CTNND2: variants seen among roughly 807,000 people sequenced by gnomAD.
The protein encoded by CTNND2 is catenin delta-2.
Under a neutral mutation model 144.4 loss-of-function variants are expected in CTNND2, and 22 were observed. The observed-to-expected ratio is 0.15, with a 90% CI of 0.11 to 0.22. The LOEUF (loss-of-function observed/expected upper bound fraction) is 0.22, where lower values mean the gene tolerates loss of function less well. CTNND2 is among the 10% of genes least tolerant of loss of function. The probability of loss-of-function intolerance (pLI) is 1.00; values close to 1 mark genes in which losing one functional copy is unlikely to be tolerated. For missense variants in CTNND2, 1,353 were observed against 1,618.8 expected, an observed-to-expected ratio of 0.84 and a Z score of 2.82; for synonymous variants, 751 against 695.6, an observed-to-expected ratio of 1.08 and a Z score of -1.25.
intron 1 of CTNND2, among the ~76,000 whole-genome samples, chr5:11,766,466 T>G (rs1789594809): frequency 1.3e-5 from 2 of 151,712 alleles, no homozygotes; most frequent in Admixed American, 1.3e-4. Context: ...TTAAAAAGAG[T>G]TTTCCTGCAC....
At chr5:11,883,370 C>G (rs1434744357) in intron 1 of CTNND2, among the ~76,000 whole-genome samples, 1 of 152,056 alleles carries the variant, frequency 6.6e-6, no homozygotes, top group Non-Finnish European at 1.5e-5. Context: ...TGTAATGTTC[C>G]TCTCCTTGTG....
rs189667488 is a variant in CTNND2 at position 11,056,619 on chromosome 5, G to C, written c.2788+26077C>G. Among the ~76,000 whole-genome samples the C allele has an allele frequency of 1.1e-3, 174 of 152,304 alleles. 1 individual carries two copies. Among genetic ancestry groups the C allele is most frequent in the African/African-American group, 4.0e-3 (168 of 41,554 alleles). On this transcript the variant is annotated intron_variant, in intron 16 of 21. Transcript: ENST00000304623. The stretch of plus-strand genomic sequence containing the variant: ...AGGCATGTGTTATTGTGCCCAGCTT[G>C]CTTAAGTATTTTAAATTCATGGGCT...
intron 8 of CTNND2, among the ~76,000 whole-genome samples, chr5:11,361,475 T>C (rs1286559704): frequency 6.6e-6 from 1 of 152,222 alleles, no homozygotes; most frequent in Non-Finnish European, 1.5e-5. Context: ...GTTTAAAGAC[T>C]GGTTCCACAC....
At chr5:11,848,742 G>T (rs940712428) in intron 1 of CTNND2, among the ~76,000 whole-genome samples, 40 of 152,096 alleles carry the variant, frequency 2.6e-4, no homozygotes, top group African/African-American at 9.4e-4. Context: ...GAGGCATATG[G>T]TATATGTGGA....
intron 20 of CTNND2, among the ~76,000 whole-genome samples, chr5:10,984,530 GCA>G (rs1737695812): frequency 6.6e-6 from 1 of 151,866 alleles, no homozygotes; most frequent in South Asian, 2.1e-4. Flanking sequence ...AAAGCACGAG[GCA>G]CAGTTTGTGG....
At chr5:11,613,045 C>A (rs1780410206) in intron 2 of CTNND2, among the ~76,000 whole-genome samples, 1 of 152,182 alleles carries the variant, frequency 6.6e-6, no homozygotes, top group Non-Finnish European at 1.5e-5. Context: ...TTCTTGAGTG[C>A]ATACTCTTGT....
chr5:11,688,122 G>A (rs1317350176), intron 2 of CTNND2, among the ~76,000 whole-genome samples: 1 of 152,164 alleles, frequency 6.6e-6, no homozygotes, highest in Non-Finnish European at 1.5e-5. Context: ...CTTTTACTGA[G>A]TGAAGTGGAA....
At chr5:11,113,525 C>A (rs1482348656) in intron 13 of CTNND2, among the ~76,000 whole-genome samples, 1 of 152,064 alleles carries the variant, frequency 6.6e-6, no homozygotes, top group Admixed American at 6.5e-5. Flanking sequence ...TAAGACAAAG[C>A]TGACCTTTTG....
chr5:11,568,629 C>T (rs771127494), intron 2 of CTNND2, among the ~76,000 whole-genome samples: 2 of 152,138 alleles, frequency 1.3e-5, no homozygotes, highest in African/African-American at 2.4e-5. Flanking sequence ...ATTTTTGTGG[C>T]CCAAAGGCAT....
At position 11,379,757 on chromosome 5, in the gene CTNND2, T is replaced by A. The variant is rs138614176; in HGVS notation, c.1177+4908A>T. 5.2e-4 allele frequency among the ~76,000 whole-genome samples: 79 copies of A among 152,332 alleles called. No individual in the cohort carries two copies. In the East Asian group the frequency reaches 0.013, roughly 25 times the overall value. The stretch of plus-strand genomic sequence containing the variant: ...CCAAAGTGATTCTCTGCCCATTTTT[T>A]CTTTGTAATTCCAGCCTCCACACAC... On this transcript the variant is annotated intron_variant, in intron 7 of 21. Coordinates refer to ENST00000304623, the MANE Select transcript of CTNND2 (RefSeq NM_001332.4).
At chr5:11,608,417 CTCCCATTAT>C (rs1423754695) in intron 2 of CTNND2, among the ~76,000 whole-genome samples, 1 of 152,104 alleles carries the variant, frequency 6.6e-6, no homozygotes, top group African/African-American at 2.4e-5. Context: ...TCTGGCATTT[CTCCCATTAT>C]TCCCATTCCA....
chr5:11,580,857 G>T lies in CTNND2; in HGVS notation c.175-15801C>A, dbSNP rs1424441351. Among the ~76,000 whole-genome samples, 3 of 152,258 alleles carry T rather than the reference G, an allele frequency of 2.0e-5. No homozygotes were observed. In the East Asian group the frequency reaches 5.8e-4, roughly 29 times the overall value. On this transcript the variant is annotated intron_variant, in intron 2 of 21. Coordinates refer to ENST00000304623, the MANE Select transcript of CTNND2 (RefSeq NM_001332.4). ...CACAGTAGACTTTGAAAAACCATTT[G>T]AAAAATCTTCTCTTCTGTAATTCAA...
At chr5:11,877,785 T>C (rs1481057172) in intron 1 of CTNND2, among the ~76,000 whole-genome samples, 1 of 152,084 alleles carries the variant, frequency 6.6e-6, no homozygotes, top group Non-Finnish European at 1.5e-5. Context: ...AGACAAAATA[T>C]AAGACTATCA....
At chr5:11,653,402 C>A (rs1782748769) in intron 2 of CTNND2, among the ~76,000 whole-genome samples, 1 of 151,928 alleles carries the variant, frequency 6.6e-6, no homozygotes, top group South Asian at 2.1e-4. Flanking sequence ...CACTTGTTAT[C>A]ATTTGGCTTT....
At chr5:11,586,303 T>C (rs1778859707) in intron 2 of CTNND2, among the ~76,000 whole-genome samples, 1 of 152,186 alleles carries the variant, frequency 6.6e-6, no homozygotes, top group African/African-American at 2.4e-5. Flanking sequence ...CAGGTACTAG[T>C]TCTCACATCT....
chr5:11,550,488 T>C (rs1340006530), intron 3 of CTNND2, among the ~76,000 whole-genome samples: 1 of 152,238 alleles, frequency 6.6e-6, no homozygotes, highest in Non-Finnish European at 1.5e-5. Context: ...TCGAGGAAAG[T>C]TGGCAGTCAA....
At chr5:11,893,382 A>G (rs1357549105) in intron 1 of CTNND2, among the ~76,000 whole-genome samples, 3 of 152,318 alleles carry the variant, frequency 2.0e-5, no homozygotes, top group African/African-American at 7.2e-5. Flanking sequence ...CGCTGGAGGT[A>G]TATACATCCA....
chr5:11,249,793 A>C (rs561907212), intron 9 of CTNND2, among the ~76,000 whole-genome samples: 135 of 152,182 alleles, frequency 8.9e-4, no homozygotes, highest in African/African-American at 2.6e-3. Context: ...AACAAACAAA[A>C]AAAAAACCAA....
rs770176275 is a variant in CTNND2, at chr5:11,098,237, GA to G, written c.2637+337del. Among the ~76,000 whole-genome samples, 5 of 152,148 alleles carry G rather than the reference GA, an allele frequency of 3.3e-5. 1 individual carries two copies. The highest frequency in any genetic ancestry group is 1.9e-4 in the East Asian group (1 of 5,194). On this transcript the variant is annotated intron_variant, in intron 15 of 21. Coordinates refer to ENST00000304623, the MANE Select transcript of CTNND2 (RefSeq NM_001332.4). Reference sequence around the variant, plus strand: ...AGCATTAACTCTCTTACCAGTTAATGATAGTGCTTTGAAAAAATATCAACCT... The same window carrying G: ...AGCATTAACTCTCTTACCAGTTAATGTAGTGCTTTGAAAAAATATCAACCT...
Sources: allele counts gnomAD v4.1 joint callset (sites outside exome capture counted in the v4.1 genomes callset), GRCh38; gene constraint gnomAD v4.1.1; transcripts MANE v1.5; gene names NCBI Gene and HGNC (gene_info 2026-07-23, HGNC 2026-07-21).